Variants in MYO3B observed in about 807,000 individuals in gnomAD.
The protein encoded by MYO3B is myosin IIIB, also known as myosin-IIIb.
Under a neutral mutation model 174.6 loss-of-function variants are expected in MYO3B, and 156 were observed. The ratio of observed to expected loss-of-function variants is 0.89; its 90% CI spans 0.78 to 1.02. MYO3B has a LOEUF of 1.02. MYO3B is among the 50% of genes least tolerant of loss of function. MYO3B has a pLI of 0.00. For missense variants in MYO3B, 1,632 were observed against 1,639.4 expected, an observed-to-expected ratio of 1.00 and a Z score of 0.08; for synonymous variants, 563 against 569.1, an observed-to-expected ratio of 0.99 and a Z score of 0.15.
intron 7 of MYO3B, among the ~76,000 whole-genome samples, chr2:170,319,415 T>A (rs1450161412): frequency 6.6e-5 from 10 of 152,128 alleles, no homozygotes; most frequent in Non-Finnish European, 1.5e-4. Context: ...CTCATCAGAT[T>A]TGAGATGGTA....
chr2:170,593,833 G>C (rs953926010), intron 32 of MYO3B, among the ~76,000 whole-genome samples: 1 of 152,078 alleles, frequency 6.6e-6, no homozygotes, highest in African/African-American at 2.4e-5. Flanking sequence ...CATTAGTCAG[G>C]AGCAACTGCA....
intron 7 of MYO3B, among the ~76,000 whole-genome samples, chr2:170,270,055 C>A (rs1175147587): frequency 6.6e-6 from 1 of 152,126 alleles, no homozygotes; most frequent in African/African-American, 2.4e-5. Context: ...CAATATAGTC[C>A]TAGTTATAAT....
intron 32 of MYO3B, among the ~76,000 whole-genome samples, chr2:170,623,829 G>T (rs188061879): frequency 3.9e-5 from 6 of 152,122 alleles, no homozygotes; most frequent in African/African-American, 1.2e-4. Flanking sequence ...GTTAAATAGG[G>T]AATCCTTTTC....
intron 32 of MYO3B, among the ~76,000 whole-genome samples, chr2:170,647,672 C>A (rs1698485771): frequency 6.6e-6 from 1 of 152,010 alleles, no homozygotes; most frequent in South Asian, 2.1e-4. Context: ...AGATTAGACA[C>A]CAACAGTTGT....
chr2:170,614,180 A>G (rs536681572), intron 32 of MYO3B, among the ~76,000 whole-genome samples: 1 of 151,986 alleles, frequency 6.6e-6, no homozygotes, highest in African/African-American at 2.4e-5. Context: ...TCCTGGCTCA[A>G]CTCTCTGCTG....
chr2:170,625,403 C>T (rs147230167), intron 32 of MYO3B, among the ~76,000 whole-genome samples: 3 of 151,948 alleles, frequency 2.0e-5, no homozygotes, highest in East Asian at 1.9e-4. Context: ...CTGTGGGATC[C>T]GTGGTGATAT....
intron 23 of MYO3B, among the ~76,000 whole-genome samples, chr2:170,446,738 A>C (rs936770401): frequency 6.6e-6 from 1 of 152,282 alleles, no homozygotes; most frequent in Non-Finnish European, 1.5e-5. Flanking sequence ...TTGTTTCCTC[A>C]CCCATCAAAA....
intron 32 of MYO3B, among the ~76,000 whole-genome samples, chr2:170,639,618 C>T (rs1697801858): frequency 6.6e-6 from 1 of 152,202 alleles, no homozygotes. Context: ...ATTGCTGAAG[C>T]TGTATAATTG....
intron 7 of MYO3B, among the ~76,000 whole-genome samples, chr2:170,321,284 A>G (rs1008389016): frequency 3.9e-5 from 6 of 152,230 alleles, no homozygotes; most frequent in African/African-American, 1.4e-4. Flanking sequence ...ATAAAACATA[A>G]GAAAGGATTT....
intron 7 of MYO3B, among the ~76,000 whole-genome samples, chr2:170,290,201 T>G (rs2093586759): frequency 6.6e-6 from 1 of 152,162 alleles, no homozygotes; most frequent in South Asian, 2.1e-4. Context: ...CTATTAGATT[T>G]AGTGTGGAGT....
chr2:170,306,996 A>G (rs558388311), intron 7 of MYO3B, among the ~76,000 whole-genome samples: 32 of 152,132 alleles, frequency 2.1e-4, no homozygotes, highest in Non-Finnish European at 4.3e-4. Context: ...CATTCACCCA[A>G]AAGTGATATA....
At chr2:170,241,192 G>T (rs2093128697) in intron 7 of MYO3B, among the ~76,000 whole-genome samples, 1 of 151,810 alleles carries the variant, frequency 6.6e-6, no homozygotes, top group African/African-American at 2.4e-5. Context: ...TCTGTTTCTG[G>T]CATGCTAAGT....
intron 7 of MYO3B, among the ~76,000 whole-genome samples, chr2:170,310,299 C>G (rs1232853286): frequency 6.6e-6 from 1 of 152,132 alleles, no homozygotes; most frequent in Non-Finnish European, 1.5e-5. Flanking sequence ...AATCTGTGCT[C>G]AAGGTGACTG....
At chr2:170,585,519 T>G (rs1020655320) in intron 32 of MYO3B, among the ~76,000 whole-genome samples, 3 of 152,120 alleles carry the variant, frequency 2.0e-5, no homozygotes, top group Non-Finnish European at 4.4e-5. Context: ...ATCCTCAATT[T>G]TTTACACCTT....
At chr2:170,626,598 A>G (rs963250482) in intron 32 of MYO3B, among the ~76,000 whole-genome samples, 1 of 152,184 alleles carries the variant, frequency 6.6e-6, no homozygotes, top group Admixed American at 6.5e-5. Flanking sequence ...TTATGATGTT[A>G]GCTGGCTATT....
intron 32 of MYO3B, among the ~76,000 whole-genome samples, chr2:170,550,650 C>T (rs1386402635): frequency 6.6e-6 from 1 of 152,162 alleles, no homozygotes; most frequent in African/African-American, 2.4e-5. Context: ...TGAAATAAGA[C>T]ACTTAAGAGA....
At chr2:170,398,058 C>T (rs961801318) in intron 16 of MYO3B, among the ~76,000 whole-genome samples, 1 of 151,708 alleles carries the variant, frequency 6.6e-6, no homozygotes, top group African/African-American at 2.4e-5. Flanking sequence ...GCCATCTCTA[C>T]TAAAAATACA....
At chr2:170,617,860 T>C (rs1695568180) in intron 32 of MYO3B, among the ~76,000 whole-genome samples, 1 of 152,228 alleles carries the variant, frequency 6.6e-6, no homozygotes, top group South Asian at 2.1e-4. Flanking sequence ...ACACGGTTCC[T>C]TCTGAGCTAA....
intron 13 of MYO3B, 64 bp downstream of exon 13, chr2:170,386,336 T>C (rs778673664): frequency 8.0e-6 from 11 of 1,377,218 alleles, no homozygotes; most frequent in Non-Finnish European, 1.0e-5. Flanking sequence ...GCATATTTGA[T>C]AAATGATGGA....
Sources: gnomAD v4.1 joint callset for allele counts (sites outside exome capture counted in the v4.1 genomes callset) on GRCh38, gnomAD v4.1.1 for gene constraint, MANE v1.5 for transcripts, NCBI Gene and HGNC (gene_info 2026-07-23, HGNC 2026-07-21) for gene names.